Variants in SCAPER observed in about 807,000 individuals in gnomAD.
SCAPER encodes the protein S-phase cyclin A associated protein in the ER.
A neutral mutation model predicts 182.2 loss-of-function variants in SCAPER; 98 were observed. The observed-to-expected ratio is 0.54, with a 90% confidence interval of 0.46 to 0.64. The LOEUF is 0.64. Among genes scored for constraint, SCAPER ranks in the 30% least tolerant of loss-of-function variants. The pLI, the probability that SCAPER is intolerant of heterozygous loss-of-function variation, is 0.00. For synonymous variants in SCAPER, 605 were observed against 564.6 expected (o/e 1.07, Z -1.01); for missense variants, 1,432 against 1,690.0 (o/e 0.85, Z 2.68).
At chr15:76,815,170 C>T (rs2066964048) in intron 5 of SCAPER, among the ~76,000 whole-genome samples, 1 of 152,110 alleles carries the variant, frequency 6.6e-6, no homozygotes, top group South Asian at 2.1e-4. Context: ...GAAATGTAAA[C>T]TGGTATAACC....
Position 76,432,829 on chromosome 15 carries a change from T to C in SCAPER, c.3311+1249A>G, listed in dbSNP as rs182526418. ...ACATGAATTCCACTCTCAGCTCTCCTACCTACTTTTAATCTTGTTTATTAC... is the reference window on the plus strand; with the variant it reads ...ACATGAATTCCACTCTCAGCTCTCCCACCTACTTTTAATCTTGTTTATTAC... On this transcript the variant is annotated intron_variant, in intron 26 of 31. Transcript: ENST00000563290. 2.0e-3 allele frequency among the ~76,000 whole-genome samples: 312 copies of C among 152,344 alleles called. 1 individual carries two copies. Among genetic ancestry groups the C allele is most frequent in the Non-Finnish European group, 1.3e-3 (90 of 68,032 alleles).
chr15:76,841,987 G>C, intron 4 of SCAPER, 56 bp from the exon 5 acceptor site: 2 of 1,462,030 alleles, frequency 1.4e-6, no homozygotes, highest in South Asian at 2.5e-5. Context: ...TCCAGGGACT[G>C]GATTTTTTAT....
chr15:76,383,566 A>C (rs952001319), intron 27 of SCAPER, among the ~76,000 whole-genome samples: 3 of 152,252 alleles, frequency 2.0e-5, no homozygotes, highest in African/African-American at 7.2e-5. Context: ...TGCCAAGTAC[A>C]TTCATATCTT....
At chr15:76,706,801 A>G (rs962126081) in intron 17 of SCAPER, among the ~76,000 whole-genome samples, 6 of 152,112 alleles carry the variant, frequency 3.9e-5, no homozygotes, top group Admixed American at 6.6e-5. Flanking sequence ...CATGTATCCC[A>G]GAATTTAAAG....
intron 23 of SCAPER, among the ~76,000 whole-genome samples, chr15:76,550,377 C>A (rs972187062): frequency 6.6e-6 from 1 of 152,100 alleles, no homozygotes; most frequent in Non-Finnish European, 1.5e-5. Flanking sequence ...CCACTGCATA[C>A]TGTTCCCCTT....
At chr15:76,526,103 T>C (rs1851104000) in intron 23 of SCAPER, among the ~76,000 whole-genome samples, 1 of 152,224 alleles carries the variant, frequency 6.6e-6, no homozygotes, top group South Asian at 2.1e-4. Flanking sequence ...TCTAGGTTCA[T>C]CATTTTTATA....
intron 25 of SCAPER, among the ~76,000 whole-genome samples, chr15:76,469,040 C>G (rs1383095103): frequency 6.6e-6 from 1 of 152,120 alleles, no homozygotes; most frequent in Non-Finnish European, 1.5e-5. Flanking sequence ...GCCATCCAGT[C>G]TATGGTATTT....
intron 29 of SCAPER, among the ~76,000 whole-genome samples, chr15:76,365,068 C>T (rs1446964224): frequency 6.6e-6 from 1 of 152,032 alleles, no homozygotes; most frequent in Non-Finnish European, 1.5e-5. Context: ...GTTTTGCTTC[C>T]CACTGTATCC....
rs1568042770 is a variant in SCAPER, at chr15:76,761,260, A to T, written c.1725+3701T>A. On this transcript the variant is annotated intron_variant, in intron 14 of 31. Transcript: ENST00000563290. ...TTTTCTTAGACTAGCTAAGAGTTTG[A>T]TTTTTTTCTTTCCAACAAACCACCG... 2.0e-5 allele frequency among the ~76,000 whole-genome samples: 3 copies of T among 151,742 alleles called. No individual in the cohort carries two copies. In the East Asian group the frequency reaches 5.8e-4, roughly 29 times the overall value.
intron 22 of SCAPER, among the ~76,000 whole-genome samples, chr15:76,607,170 A>T (rs1022006925): frequency 1.3e-5 from 2 of 152,068 alleles, no homozygotes; most frequent in African/African-American, 2.4e-5. Context: ...GTTCCTTTCC[A>T]TGTTTAGTGC....
chr15:76,779,848 G>A lies in SCAPER; in HGVS notation c.773-4731C>T, dbSNP rs544381816. ...ATAAACAATTATAAGCTATGACCAAGTGAAATTTATTTCAGATATGCCATC... is the reference window on the plus strand; with the variant it reads ...ATAAACAATTATAAGCTATGACCAAATGAAATTTATTTCAGATATGCCATC... On this transcript the variant is annotated intron_variant, in intron 8 of 31. Transcript: ENST00000563290. Among the ~76,000 whole-genome samples the A allele has an allele frequency of 2.0e-4, 31 of 152,264 alleles. No individual in the cohort carries two copies. The East Asian group carries it at 6.0e-3, about 29-fold the overall frequency.
chr15:76,724,497 G>C (rs1201036723), intron 17 of SCAPER, among the ~76,000 whole-genome samples: 1 of 152,050 alleles, frequency 6.6e-6, no homozygotes, highest in East Asian at 1.9e-4. Context: ...GGGAAGTTCT[G>C]CTGGATAATA....
intron 29 of SCAPER, among the ~76,000 whole-genome samples, chr15:76,364,173 C>T (rs1265754171): frequency 1.3e-5 from 2 of 152,146 alleles, no homozygotes; most frequent in East Asian, 3.9e-4. Flanking sequence ...TGGCTAGCAC[C>T]GCAAACAAAT....
At chr15:76,380,185 T>C (rs945114499) in intron 28 of SCAPER, 4 of 152,178 alleles carry the variant, frequency 2.6e-5, no homozygotes, top group Non-Finnish European at 5.9e-5. Context: ...AGATGTTATG[T>C]TCAACCCTGA....
At chr15:76,810,586 G>A (rs1451414240) in intron 5 of SCAPER, among the ~76,000 whole-genome samples, 1 of 143,960 alleles carries the variant, frequency 6.9e-6, no homozygotes, top group Non-Finnish European at 1.5e-5. Flanking sequence ...CAAAAGAAGA[G>A]AGCAAGTGAG....
At chr15:76,561,967 G>A (rs2046667434) in intron 23 of SCAPER, among the ~76,000 whole-genome samples, 1 of 151,280 alleles carries the variant, frequency 6.6e-6, no homozygotes, top group Non-Finnish European at 1.5e-5. Context: ...CCAACATGGT[G>A]ATCCCCATCT....
intron 4 of SCAPER, among the ~76,000 whole-genome samples, chr15:76,843,505 T>C (rs567197912): frequency 6.6e-6 from 1 of 152,280 alleles, no homozygotes; most frequent in Admixed American, 6.5e-5. Flanking sequence ...ACAGAGCGTT[T>C]GACATGCATC....
chr15:76,452,211 G>C (rs912181451), intron 25 of SCAPER, among the ~76,000 whole-genome samples: 1 of 152,160 alleles, frequency 6.6e-6, no homozygotes, highest in East Asian at 1.9e-4. Flanking sequence ...CAGTTACCAA[G>C]TCTTGTATTT....
At chr15:76,665,391 T>C (rs1454151337) in intron 21 of SCAPER, among the ~76,000 whole-genome samples, 1 of 152,176 alleles carries the variant, frequency 6.6e-6, no homozygotes, top group Non-Finnish European at 1.5e-5. Flanking sequence ...CATACTATTG[T>C]ATGCTGGAGG....
Sources: allele counts gnomAD v4.1 joint callset (sites outside exome capture counted in the v4.1 genomes callset), GRCh38; gene constraint gnomAD v4.1.1; transcripts MANE v1.5; gene names NCBI Gene and HGNC (gene_info 2026-07-23, HGNC 2026-07-21).